Variants in SLC4A4 observed in about 807,000 individuals in gnomAD.
SLC4A4 encodes electrogenic sodium bicarbonate cotransporter 1.
Under a neutral mutation model 111.5 loss-of-function variants are expected in SLC4A4, and 27 were observed. The observed-to-expected ratio is 0.24, with a 90% CI of 0.18 to 0.33. SLC4A4 has a LOEUF of 0.33. SLC4A4 is among the 10% of genes least tolerant of loss of function. The pLI is 1.00. For synonymous variants in SLC4A4, 443 were observed against 463.4 expected, an observed-to-expected ratio of 0.96 and a Z score of 0.57; for missense variants, 909 against 1,315.5, an observed-to-expected ratio of 0.69 and a Z score of 4.78.
chr4:71,133,154 C>T (rs1054482988), intron 2 of SLC4A4, among the ~76,000 whole-genome samples: 1 of 152,040 alleles, frequency 6.6e-6, no homozygotes, highest in Non-Finnish European at 1.5e-5. Flanking sequence ...TTCTTAGTTT[C>T]GTATCCCTGA....
At chr4:71,479,586 A>T (rs977119191) in intron 14 of SLC4A4, among the ~76,000 whole-genome samples, 92 of 151,788 alleles carry the variant, frequency 6.1e-4, no homozygotes, top group African/African-American at 2.1e-3. Context: ...CATGAACTAT[A>T]TCATAATATA....
chr4:71,176,381 G>A (rs567129993), intron 2 of SLC4A4, among the ~76,000 whole-genome samples: 29 of 152,246 alleles, frequency 1.9e-4, no homozygotes, highest in African/African-American at 6.5e-4. Context: ...AAACTACTCC[G>A]AGCTAAAGGA....
At chr4:71,143,847 C>A in intron 2 of SLC4A4, among the ~76,000 whole-genome samples, 1 of 152,052 alleles carries the variant, frequency 6.6e-6, no homozygotes, top group Non-Finnish European at 1.5e-5. Context: ...TGGATATTAG[C>A]CCTTTGTCAG....
intron 2 of SLC4A4, among the ~76,000 whole-genome samples, chr4:71,181,013 T>C (rs1228734614): frequency 3.3e-5 from 5 of 151,936 alleles, no homozygotes; most frequent in African/African-American, 1.2e-4. Context: ...GGCATATATA[T>C]ACCATGGAAT....
intron 8 of SLC4A4, among the ~76,000 whole-genome samples, chr4:71,443,739 T>C (rs865940178): frequency 6.6e-6 from 1 of 152,210 alleles, no homozygotes; most frequent in African/African-American, 2.4e-5. Context: ...TCCAGACTGT[T>C]AAAAATTTAG....
At chr4:71,377,395 G>GT (rs1159401227) in intron 6 of SLC4A4, among the ~76,000 whole-genome samples, 2 of 152,240 alleles carry the variant, frequency 1.3e-5, no homozygotes, top group Non-Finnish European at 2.9e-5. Context: ...TCTACTATGT[G>GT]TTTGTGACTG....
At chr4:71,098,520 G>T (rs532034286) in intron 2 of SLC4A4, among the ~76,000 whole-genome samples, 1 of 152,108 alleles carries the variant, frequency 6.6e-6, no homozygotes, top group African/African-American at 2.4e-5. Context: ...TTCTTTTTTG[G>T]TTTCATGTGA....
intron 6 of SLC4A4, among the ~76,000 whole-genome samples, chr4:71,362,734 C>CG (rs1560442137): frequency 6.6e-6 from 1 of 152,060 alleles, no homozygotes; most frequent in East Asian, 1.9e-4. Context: ...AAATGGGTGT[C>CG]AGGGGGGGTC....
intron 1 of SLC4A4, among the ~76,000 whole-genome samples, chr4:71,207,209 T>C (rs1270201603): frequency 6.6e-6 from 1 of 152,214 alleles, no homozygotes; most frequent in Non-Finnish European, 1.5e-5. Context: ...AAATGAGGTG[T>C]TGGCTCTATT....
chr4:71,300,261 C>T (rs1001934100), intron 3 of SLC4A4: 4 of 207,654 alleles, frequency 1.9e-5, no homozygotes, highest in South Asian at 1.0e-4. Flanking sequence ...CAGGGACTAG[C>T]GTCTGCCATA....
chr4:71,427,558 C>T (rs1223803262), intron 7 of SLC4A4, among the ~76,000 whole-genome samples: 3 of 151,760 alleles, frequency 2.0e-5, no homozygotes, highest in Non-Finnish European at 2.9e-5. Flanking sequence ...CTGTTTTTAC[C>T]CCCTCTTGGG....
At chr4:71,357,263 GT>G in intron 6 of SLC4A4, 76 bp downstream of exon 6, 2 of 1,420,736 alleles carry the variant, frequency 1.4e-6, no homozygotes, top group Non-Finnish European at 2.0e-6. Flanking sequence ...TGTCATCTTT[GT>G]TTTAACCCTT....
chr4:71,105,476 C>A (rs189682891), intron 2 of SLC4A4, among the ~76,000 whole-genome samples: 23 of 151,820 alleles, frequency 1.5e-4, no homozygotes, highest in Admixed American at 8.5e-4. Context: ...CACTCCTAAG[C>A]CAAAAGAACG....
intron 23 of SLC4A4, among the ~76,000 whole-genome samples, chr4:71,560,528 C>T (rs1313822436): frequency 2.0e-5 from 3 of 151,684 alleles, no homozygotes; most frequent in Non-Finnish European, 2.9e-5. Flanking sequence ...TAAAAAAATT[C>T]TGATCTCATA....
rs563210667 is a variant in SLC4A4, at chr4:71,333,453, A to T, written c.254-5917A>T. The stretch of plus-strand genomic sequence containing the variant: ...GTGTGACTCAAGTACCCCTGTGGTC[A>T]TTACTACTGGGATTATACTGGGTCA... On this transcript the variant is annotated intron_variant, in intron 3 of 25. Transcript: ENST00000264485. Among the ~76,000 whole-genome samples, 36 of 152,278 alleles carry T rather than the reference A, an allele frequency of 2.4e-4. No homozygotes were observed. In the Middle Eastern group the frequency reaches 0.01, roughly 43 times the overall value.
At chr4:71,092,656 A>T (rs1742419123) in intron 1 of SLC4A4, among the ~76,000 whole-genome samples, 1 of 152,240 alleles carries the variant, frequency 6.6e-6, no homozygotes, top group Admixed American at 6.5e-5. Flanking sequence ...AGGTAATTTG[A>T]GGTATCATAC....
Position 71,322,330 on chromosome 4 carries a change from C to T in SLC4A4, c.254-17040C>T, listed in dbSNP as rs117239553. Reference sequence around the variant, plus strand: ...GAAGTCCTAAAGATTCTTTAAGGTTCGGTGCCTCTATATTCTTATGCATTT... The same window carrying T: ...GAAGTCCTAAAGATTCTTTAAGGTTTGGTGCCTCTATATTCTTATGCATTT... On this transcript the variant is annotated intron_variant, in intron 3 of 25. Transcript: ENST00000264485. 1.8e-3 allele frequency among the ~76,000 whole-genome samples: 275 copies of T among 151,996 alleles called. 5 individuals are homozygous for T. The East Asian group carries it at 0.019, about 10-fold the overall frequency.
At chr4:71,178,089 T>C (rs1745154354) in intron 2 of SLC4A4, among the ~76,000 whole-genome samples, 1 of 151,854 alleles carries the variant, frequency 6.6e-6, no homozygotes. Flanking sequence ...ACTGGGTACA[T>C]AACGAAATGA....
intron 18 of SLC4A4, among the ~76,000 whole-genome samples, chr4:71,536,188 A>G (rs1342285422): frequency 6.6e-6 from 1 of 151,652 alleles, no homozygotes; most frequent in Non-Finnish European, 1.5e-5. Flanking sequence ...TTATATCTGC[A>G]ACTGGCACAG....
Sources: allele counts gnomAD v4.1 joint callset (sites outside exome capture counted in the v4.1 genomes callset), GRCh38; gene constraint gnomAD v4.1.1; transcripts MANE v1.5; gene names NCBI Gene and HGNC (gene_info 2026-07-23, HGNC 2026-07-21).